The following RCHY1 variants were observed in gnomAD, a reference collection of about 807,000 sequenced individuals.
The protein encoded by RCHY1 is RING finger and CHY zinc finger domain-containing protein 1.
A neutral mutation model predicts 41.6 loss-of-function variants in RCHY1; 21 were observed. That is an observed-to-expected ratio of 0.51 (90% CI 0.36 to 0.73). The LOEUF (loss-of-function observed/expected upper bound fraction) is 0.73. Among genes scored for constraint, RCHY1 ranks in the 30% least tolerant of loss-of-function variants. The pLI, the probability that RCHY1 is intolerant of heterozygous loss-of-function variation, is 0.00. For missense variants in RCHY1, 265 were observed against 325.3 expected, an observed-to-expected ratio of 0.81 and a Z score of 1.43; for synonymous variants, 79 against 102.9, an observed-to-expected ratio of 0.77 and a Z score of 1.41.
At chr4:75,511,811 G>GAAAAAAAAAAAAAAAAAAA (rs750470842) in intron 1 of RCHY1, among the ~76,000 whole-genome samples, 1 of 128,614 alleles carries the variant, frequency 7.8e-6, no homozygotes, top group Non-Finnish European at 1.7e-5. Flanking sequence ...TCAACAGACT[G>GAAAAAAAAAAAAAAAAAAA]AAAAAAAAAA....
chr4:75,505,240 C>T (rs1324684676), intron 3 of RCHY1, among the ~76,000 whole-genome samples: 1 of 152,148 alleles, frequency 6.6e-6, no homozygotes, highest in Non-Finnish European at 1.5e-5. Context: ...AGAGCTCAGA[C>T]AGTAATGGTC....
chr4:75,482,413 G>T lies in RCHY1; in HGVS notation c.*125C>A. ...TTACGTACTTGTAATATGATTTTAT[G>T]CTGTGACACTAGTACAAAACACATC... On this transcript the variant is annotated 3_prime_UTR_variant, in exon 9 of 9. Coordinates refer to ENST00000324439, the MANE Select transcript of RCHY1 (RefSeq NM_015436.4). The T allele has an allele frequency of 2.7e-6, 2 of 752,966 alleles. No homozygotes were observed. The highest frequency in any genetic ancestry group is 3.9e-6 in the Non-Finnish European group (2 of 509,876). The allele number at this position is 752,966 out of a possible 1,614,324, so 46.6% of individuals were successfully genotyped here.
At chr4:75,492,417 T>G (rs2148729762) in intron 4 of RCHY1, among the ~76,000 whole-genome samples, 2 of 152,092 alleles carry the variant, frequency 1.3e-5, no homozygotes, top group Middle Eastern at 3.4e-3. Context: ...TGAAATAGGC[T>G]ATGATTGTTA....
chr4:75,510,298 T>A (rs79414828), intron 1 of RCHY1, among the ~76,000 whole-genome samples: 12,302 of 152,238 alleles, frequency 0.081, 832 homozygotes, highest in African/African-American at 0.18. Context: ...CCAACCTGCA[T>A]CACTCGCCTT....
In RCHY1 at chr4:75,514,359, C is replaced by G. The variant is rs1398015018; in HGVS notation, c.-73G>C. ...AACCACGCCCAGAGAAGCTGCGCCT[C>G]TCTAGCACACCCCTCCCAGCCCCAG... On this transcript the variant is annotated 5_prime_UTR_variant, in exon 1 of 9. Transcript: ENST00000324439. 2.1e-5 allele frequency: 32 copies of G among 1,510,712 alleles called. No individual in the cohort carries two copies. The highest frequency in any genetic ancestry group is 2.7e-5 in the African/African-American group (2 of 73,242). 93.6% of individuals were successfully genotyped at this position (1,510,712 alleles called of 1,614,324 possible).
rs1332145614 is a variant in RCHY1 at position 75,514,226 on chromosome 4, C to T, written c.61G>A (p.Glu21Lys). 1.2e-6 allele frequency: 2 copies of T among 1,613,292 alleles called. No homozygotes were observed. Among genetic ancestry groups the T allele is most frequent in the Admixed American group, 1.7e-5 (1 of 60,018 alleles). ...AGGAGACATCCTCTGTCATAGTGCT[C>T]GCAGCCCCGCTGACCTCGCTCTTGA... ...SGQERGQRGC[E>K]HYDRGCLLKA... The change falls in exon 1 of 9, where the codon GAG becomes AAG. Residue 21 changes from glutamate (E) to lysine (K), a missense_variant. By Grantham distance (56) the Glu-to-Lys change is moderately conservative (BLOSUM62 1). Transcript: ENST00000324439.
At chr4:75,499,740 G>A (rs1195990754) in intron 3 of RCHY1, among the ~76,000 whole-genome samples, 1 of 152,146 alleles carries the variant, frequency 6.6e-6, no homozygotes, top group African/African-American at 2.4e-5. Context: ...AGATAGAGTA[G>A]GCTGGAAGAC....
rs112473514 is a variant in RCHY1, at chr4:75,495,731, C to T, written c.327-1552G>A. 3.9e-3 allele frequency among the ~76,000 whole-genome samples: 599 copies of T among 152,096 alleles called. 7 individuals are homozygous for T. Among genetic ancestry groups the T allele is most frequent in the African/African-American group, 0.014 (570 of 41,522 alleles). On this transcript the variant is annotated intron_variant, in intron 3 of 8. Coordinates refer to ENST00000324439, the MANE Select transcript of RCHY1 (RefSeq NM_015436.4). The stretch of plus-strand genomic sequence containing the variant: ...TGAACTTCTGCCTTTCTTGAACCAC[C>T]ATTACTTTGGGTTTCTGTCACAAGA...
chr4:75,498,912 C>T (rs552278683), intron 3 of RCHY1, among the ~76,000 whole-genome samples: 1 of 152,130 alleles, frequency 6.6e-6, no homozygotes, highest in Admixed American at 6.5e-5. Flanking sequence ...CTCAAAAGCA[C>T]GCACAACTGA....
At position 75,505,736 on chromosome 4, in the gene RCHY1, T is replaced by C. The variant is rs149591873; in HGVS notation, c.326+3084A>G. ...TAGGACTAAAACTCCTACTGAGAAC[T>C]AGAAAAACTCAATTTAAAGAAAACA... On this transcript the variant is annotated intron_variant, in intron 3 of 8. Coordinates refer to ENST00000324439, the MANE Select transcript of RCHY1 (RefSeq NM_015436.4). Among the ~76,000 whole-genome samples, 6 of 152,284 alleles carry C rather than the reference T, an allele frequency of 3.9e-5. No individual in the cohort carries two copies. In the East Asian group the frequency reaches 1.2e-3, roughly 29 times the overall value.
intron 8 of RCHY1, among the ~76,000 whole-genome samples, chr4:75,487,786 T>TATTCATA (rs1560513461): frequency 5.7e-4 from 23 of 40,218 alleles, no homozygotes; most frequent in African/African-American, 3.5e-3. Flanking sequence ...ATATTCATAA[T>TATTCATA]ATATATATTC....
chr4:75,507,011 T>A (rs566985445), intron 3 of RCHY1, among the ~76,000 whole-genome samples: 21 of 152,096 alleles, frequency 1.4e-4, no homozygotes. Flanking sequence ...CCAATACCTG[T>A]AAACTTAGAA....
intron 3 of RCHY1, chr4:75,494,511 TCTGAGGA>T: frequency 4.3e-6 from 1 of 232,114 alleles, no homozygotes; most frequent in Non-Finnish European, 8.2e-6. Context: ...CTTGATATAT[TCTGAGGA>T]TTTTATGTCT....
At chr4:75,507,488 A>G (rs745989293) in intron 3 of RCHY1, among the ~76,000 whole-genome samples, 38 of 152,126 alleles carry the variant, frequency 2.5e-4, no homozygotes, top group Non-Finnish European at 5.3e-4. Context: ...GTAGATTGAA[A>G]CACGAACATA....
At chr4:75,494,038 G>T in intron 4 of RCHY1, 63 bp downstream of exon 4, 1 of 930,820 alleles carries the variant, frequency 1.1e-6, no homozygotes, top group Non-Finnish European at 1.6e-6. Context: ...AAACATATTA[G>T]AAGTTAAGCT....
At chr4:75,489,806 CT>C (rs755637978) in intron 8 of RCHY1, among the ~76,000 whole-genome samples, 8 of 152,194 alleles carry the variant, frequency 5.3e-5, no homozygotes, top group Non-Finnish European at 1.2e-4. Flanking sequence ...AATCTGGAGA[CT>C]GGGTCTCTGA....
intron 4 of RCHY1, among the ~76,000 whole-genome samples, chr4:75,493,124 C>T (rs1055553542): frequency 2.0e-5 from 3 of 152,052 alleles, no homozygotes; most frequent in Non-Finnish European, 4.4e-5. Flanking sequence ...CTGGCTATCT[C>T]CATTAGCATA....
rs1007589973 is a variant in RCHY1 at position 75,479,464 on chromosome 4, T to C, written c.*3074A>G. 3 of 152,150 alleles carry C rather than the reference T, an allele frequency of 2.0e-5. No homozygotes were observed. Among genetic ancestry groups the C allele is most frequent in the African/African-American group, 7.2e-5 (3 of 41,466 alleles). 9.4% of individuals were successfully genotyped at this position (152,150 alleles called of 1,614,324 possible). ...AAATAAAAGGGAAATTTAACATGTATATCATATGAAAATAGGTTTTAGTGA... is the reference window on the plus strand; with the variant it reads ...AAATAAAAGGGAAATTTAACATGTACATCATATGAAAATAGGTTTTAGTGA... On this transcript the variant is annotated 3_prime_UTR_variant, in exon 9 of 9. Coordinates refer to ENST00000324439, the MANE Select transcript of RCHY1 (RefSeq NM_015436.4).
At position 75,479,086 on chromosome 4, in the gene RCHY1, A is replaced by T. The variant is rs537669775; in HGVS notation, c.*3452T>A. ...TGATCTATTACACAGAATGGTGAGTATAATAAATAATGCATTGTACATTTC... is the reference window on the plus strand; with the variant it reads ...TGATCTATTACACAGAATGGTGAGTTTAATAAATAATGCATTGTACATTTC... On this transcript the variant is annotated 3_prime_UTR_variant, in exon 9 of 9. Coordinates refer to ENST00000324439, the MANE Select transcript of RCHY1 (RefSeq NM_015436.4). The T allele has an allele frequency of 6.6e-6, 1 of 152,284 alleles. No homozygotes were observed. The highest frequency in any genetic ancestry group is 2.1e-4 in the South Asian group (1 of 4,822). 9.4% of individuals were successfully genotyped at this position (152,284 alleles called of 1,614,324 possible).
Sources: allele counts gnomAD v4.1 joint callset (sites outside exome capture counted in the v4.1 genomes callset), GRCh38; gene constraint gnomAD v4.1.1; transcripts MANE v1.5; gene names NCBI Gene and HGNC (gene_info 2026-07-23, HGNC 2026-07-21).